Variants in MID1 observed in about 807,000 individuals in gnomAD.
MID1 encodes the protein E3 ubiquitin-protein ligase Midline-1.
In MID1, 7 loss-of-function variants were observed where a neutral mutation model predicts 40.4. The observed-to-expected ratio is 0.17, with a 90% CI of 0.10 to 0.33. The LOEUF (loss-of-function observed/expected upper bound fraction) is 0.33, where lower values mean the gene tolerates loss of function less well. Ranked by LOEUF, MID1 falls within the 10% of genes least tolerant of loss-of-function variation. MID1 has a pLI of 1.00. For synonymous variants in MID1, 229 were observed against 221.2 expected (o/e 1.04, Z -0.31); for missense variants, 367 against 558.5 (o/e 0.66, Z 3.46).
At chrX:10,487,782 G>A (rs145697841) in intron 4 of MID1, among the ~76,000 whole-genome samples, 3,598 of 110,695 alleles carry the variant, frequency 0.033, 67 homozygotes, top group Non-Finnish European at 0.052. Flanking sequence ...CTCCTTTCAC[G>A]CACCTTAATT....
chrX:10,731,966 CAAAAAAAAAA>C (rs754605735), intron 1 of MID1, among the ~76,000 whole-genome samples: 4 of 26,648 alleles, frequency 1.5e-4, no homozygotes, highest in Admixed American at 4.9e-4. Context: ...GAATCTATCA[CAAAAAAAAAA>C]AAAAAAAAAA....
intron 1 of MID1, among the ~76,000 whole-genome samples, chrX:10,682,539 T>C (rs1260160977): frequency 1.8e-5 from 2 of 111,476 alleles, no homozygotes; most frequent in Non-Finnish European, 3.8e-5. Context: ...CAACATAAAA[T>C]GCATTTTAAA....
intron 1 of MID1, among the ~76,000 whole-genome samples, chrX:10,788,721 C>G (rs2043905350): frequency 9.0e-6 from 1 of 111,619 alleles, no homozygotes; most frequent in African/African-American, 3.3e-5. Context: ...AGGAATGCTG[C>G]TAAACACCTA....
At chrX:10,499,534 T>A (rs1931437285) in intron 3 of MID1, among the ~76,000 whole-genome samples, 1 of 112,117 alleles carries the variant, frequency 8.9e-6, no homozygotes, top group African/African-American at 3.2e-5. Flanking sequence ...CCCAAGGTCA[T>A]GGAGACTTAC....
At chrX:10,637,584 C>T (rs746940569) in intron 1 of MID1, among the ~76,000 whole-genome samples, 1 of 107,780 alleles carries the variant, frequency 9.3e-6, no homozygotes, top group Admixed American at 1.0e-4. Flanking sequence ...GAGATTGCAC[C>T]ACTGTACTCC....
chrX:10,586,133 A>G (rs1935136944), intron 1 of MID1, among the ~76,000 whole-genome samples: 1 of 111,548 alleles, frequency 9.0e-6, no homozygotes, highest in East Asian at 2.8e-4. Flanking sequence ...TTAGAGTTCC[A>G]GTACACTTAT....
At chrX:10,670,793 A>G (rs2042983012) in intron 1 of MID1, among the ~76,000 whole-genome samples, 1 of 112,308 alleles carries the variant, frequency 8.9e-6, no homozygotes, top group South Asian at 3.7e-4. Flanking sequence ...AAGTCATTCA[A>G]TGAATGTACA....
chrX:10,804,033 T>C (rs1401035392), intron 1 of MID1, among the ~76,000 whole-genome samples: 1 of 111,833 alleles, frequency 8.9e-6, no homozygotes, highest in African/African-American at 3.2e-5. Context: ...GATTCTTTTC[T>C]TGGCCATGTA....
intron 1 of MID1, among the ~76,000 whole-genome samples, chrX:10,658,616 C>G (rs769583249): frequency 7.3e-5 from 8 of 109,708 alleles, no homozygotes; most frequent in Non-Finnish European, 1.3e-4. Flanking sequence ...ACAATTTAAC[C>G]CATAAAATGC....
chrX:10,663,733 C>G (rs1444106016), intron 1 of MID1, among the ~76,000 whole-genome samples: 1 of 111,283 alleles, frequency 9.0e-6, no homozygotes. Context: ...CTAGCAAGCT[C>G]GTAGAATTAT....
At chrX:10,681,046 TAATAATAATAA>T (rs1383491568) in intron 1 of MID1, among the ~76,000 whole-genome samples, 1 of 102,369 alleles carries the variant, frequency 9.8e-6, no homozygotes, top group African/African-American at 3.5e-5. Flanking sequence ...ATAATAATAA[TAATAATAATAA>T]TAATAATAAT....
chrX:10,669,643 C>T (rs1410439788), intron 1 of MID1, among the ~76,000 whole-genome samples: 1 of 111,665 alleles, frequency 9.0e-6, no homozygotes, highest in Non-Finnish European at 1.9e-5. Context: ...AGTGTGTAAG[C>T]CTGAACAGAT....
At chrX:10,488,375 A>G (rs1291419889) in intron 4 of MID1, among the ~76,000 whole-genome samples, 2 of 111,687 alleles carry the variant, frequency 1.8e-5, no homozygotes, top group Non-Finnish European at 3.8e-5. Flanking sequence ...CTTACTTAAG[A>G]AACTGCCAGC....
intron 1 of MID1, among the ~76,000 whole-genome samples, chrX:10,587,857 G>A (rs1480434334): frequency 9.1e-6 from 1 of 109,432 alleles, no homozygotes; most frequent in Non-Finnish European, 1.9e-5. Flanking sequence ...TACTAGATAA[G>A]CCAAATTTTA....
At chrX:10,610,845 C>T (rs756927006) in intron 1 of MID1, among the ~76,000 whole-genome samples, 3 of 111,415 alleles carry the variant, frequency 2.7e-5, no homozygotes, top group Non-Finnish European at 5.7e-5. Flanking sequence ...TTTGAAGCCC[C>T]CTGGGATCAC....
At chrX:10,529,480 C>G (rs979396552) in intron 2 of MID1, among the ~76,000 whole-genome samples, 11 of 112,328 alleles carry the variant, frequency 9.8e-5, no homozygotes, top group Non-Finnish European at 1.9e-4. Context: ...GTGCAATGTC[C>G]TAAATCTCAA....
intron 4 of MID1, among the ~76,000 whole-genome samples, chrX:10,488,724 C>T (rs1005084392): frequency 9.0e-6 from 1 of 110,765 alleles, no homozygotes; most frequent in African/African-American, 3.3e-5. Flanking sequence ...CAGACCCACC[C>T]TTAATTGGGT....
chrX:10,474,763 C>A lies in MID1; in HGVS notation c.1014-13G>T, dbSNP rs368093957. On this transcript the variant is annotated splice_polypyrimidine_tract_variant and intron_variant, in intron 5 of 9. Transcript: ENST00000317552. ...TGCCATGGAGACTCTGTAATGCAAACAAAACAATGTTTCAGAAATGTCAAG... is the reference window on the plus strand; with the variant it reads ...TGCCATGGAGACTCTGTAATGCAAAAAAAACAATGTTTCAGAAATGTCAAG... 12 of 1,202,041 alleles carry A rather than the reference C, an allele frequency of 1.0e-5. No homozygotes were observed. Among genetic ancestry groups the A allele is most frequent in the Admixed American group, 4.4e-5 (2 of 45,596 alleles).
intron 4 of MID1, among the ~76,000 whole-genome samples, chrX:10,494,316 T>C (rs1047677556): frequency 1.8e-5 from 2 of 112,024 alleles, no homozygotes; most frequent in South Asian, 3.7e-4. Flanking sequence ...GAAAACCACA[T>C]ACATTAGCCA....
Sources: allele counts gnomAD v4.1 joint callset (sites outside exome capture counted in the v4.1 genomes callset), GRCh38; gene constraint gnomAD v4.1.1; transcripts MANE v1.5; gene names NCBI Gene and HGNC (gene_info 2026-07-23, HGNC 2026-07-21).